The following ANKRD55 variants were observed in gnomAD, a reference collection of about 807,000 sequenced individuals.
ANKRD55 encodes the protein ankyrin repeat domain 55, also known as ankyrin repeat domain-containing protein 55.
A neutral mutation model predicts 60.6 loss-of-function variants in ANKRD55; 41 were observed. That is an observed-to-expected ratio of 0.68 (90% CI 0.53 to 0.88). ANKRD55 has a LOEUF of 0.88. ANKRD55 is among the 40% of genes least tolerant of loss of function. The pLI, the probability that ANKRD55 is intolerant of heterozygous loss-of-function variation, is 0.00. For synonymous variants in ANKRD55, 264 were observed against 290.3 expected, an observed-to-expected ratio of 0.91 and a Z score of 0.92; for missense variants, 732 against 767.6, an observed-to-expected ratio of 0.95 and a Z score of 0.55.
At chr5:56,221,298 A>G (rs575175001) in intron 2 of ANKRD55, among the ~76,000 whole-genome samples, 2 of 152,342 alleles carry the variant, frequency 1.3e-5, no homozygotes, top group South Asian at 2.1e-4. Context: ...TCAGCAAAGC[A>G]CAGATCTTTT....
In ANKRD55 at chr5:56,167,124, C is replaced by A. The variant is rs1372071830; in HGVS notation, c.422+3570G>T. Reference sequence around the variant, plus strand: ...TTCCAATATTCTGTAGGTAACCAAACTACAGTCATGCATCATTTAATGATG... The same window carrying A: ...TTCCAATATTCTGTAGGTAACCAAAATACAGTCATGCATCATTTAATGATG... On this transcript the variant is annotated intron_variant, in intron 5 of 11. Transcript: ENST00000341048. 2.0e-5 allele frequency among the ~76,000 whole-genome samples: 3 copies of A among 152,290 alleles called. No homozygotes were observed. In the East Asian group the frequency reaches 5.8e-4, roughly 29 times the overall value.
intron 2 of ANKRD55, among the ~76,000 whole-genome samples, chr5:56,209,174 T>A (rs1339370322): frequency 6.6e-6 from 1 of 151,946 alleles, no homozygotes; most frequent in African/African-American, 2.4e-5. Flanking sequence ...GCAGGCTGGT[T>A]TCAAACTCTT....
chr5:56,121,128 A>G (rs1757036809), intron 8 of ANKRD55, among the ~76,000 whole-genome samples: 1 of 152,114 alleles, frequency 6.6e-6, no homozygotes, highest in African/African-American at 2.4e-5. Context: ...GGATAAGGAC[A>G]GAAGACGAGG....
chr5:56,193,716 A>C (rs1759164203), intron 2 of ANKRD55: 1 of 186,084 alleles, frequency 5.4e-6, no homozygotes, highest in Admixed American at 5.9e-5. Flanking sequence ...GACATAGAGC[A>C]CTGGAATCCC....
At chr5:56,126,750 A>T (rs1202765978) in intron 8 of ANKRD55, among the ~76,000 whole-genome samples, 172 bp downstream of exon 8, 2 of 152,096 alleles carry the variant, frequency 1.3e-5, no homozygotes, top group Admixed American at 6.6e-5. Flanking sequence ...CATAACAATA[A>T]TTTTTTCTCC....
rs1561263975 is a variant in ANKRD55 at position 56,135,292 on chromosome 5, TTG to T, written c.613-8188_613-8187del. On this transcript the variant is annotated intron_variant, in intron 7 of 11. Coordinates refer to ENST00000341048, the MANE Select transcript of ANKRD55 (RefSeq NM_024669.3). ...CCTCCCTCCCTCCCTGCCTGCCTGCTTGCTTTCTTTCTTTCTTTCTTTCTTTC... is the reference window on the plus strand; with the variant it reads ...CCTCCCTCCCTCCCTGCCTGCCTGCTCTTTCTTTCTTTCTTTCTTTCTTTC... 2.8e-3 allele frequency among the ~76,000 whole-genome samples: 234 copies of T among 82,524 alleles called. 13 individuals carry two copies. Among genetic ancestry groups the T allele is most frequent in the Middle Eastern group, 5.9e-3 (1 of 170 alleles). The allele number at this position is 82,524 out of a possible 152,430, so 54.1% of individuals were successfully genotyped here.
chr5:56,213,243 A>G (rs1381971045), intron 2 of ANKRD55, among the ~76,000 whole-genome samples: 1 of 152,222 alleles, frequency 6.6e-6, no homozygotes, highest in African/African-American at 2.4e-5. Flanking sequence ...TTTTATTTGT[A>G]AAAATAAATA....
At chr5:56,223,247 C>G (rs1172175031) in intron 2 of ANKRD55, among the ~76,000 whole-genome samples, 1 of 152,078 alleles carries the variant, frequency 6.6e-6, no homozygotes, top group African/African-American at 2.4e-5. Flanking sequence ...CATATCCAGC[C>G]AAACTAAGCT....
chr5:56,215,523 G>C (rs190273426), intron 2 of ANKRD55, among the ~76,000 whole-genome samples: 46 of 152,316 alleles, frequency 3.0e-4, no homozygotes, highest in African/African-American at 1.1e-3. Flanking sequence ...AGAGGGAGTC[G>C]GGCACTCTGC....
At position 56,122,985 on chromosome 5, in the gene ANKRD55, C is replaced by T. The variant is rs149360756; in HGVS notation, c.797+3937G>A. ...TTCGCCATGTTGCCAAGGCTGCTCTCGAACTCCTGGGCTCAAGGGATTCAT... is the reference window on the plus strand; with the variant it reads ...TTCGCCATGTTGCCAAGGCTGCTCTTGAACTCCTGGGCTCAAGGGATTCAT... On this transcript the variant is annotated intron_variant, in intron 8 of 11. Coordinates refer to ENST00000341048, the MANE Select transcript of ANKRD55 (RefSeq NM_024669.3). 9.1e-4 allele frequency among the ~76,000 whole-genome samples: 138 copies of T among 152,042 alleles called. 1 individual carries two copies. The highest frequency in any genetic ancestry group is 3.1e-3 in the African/African-American group (128 of 41,412).
intron 2 of ANKRD55, among the ~76,000 whole-genome samples, chr5:56,204,911 A>G (rs1759463670): frequency 6.6e-6 from 1 of 152,246 alleles, no homozygotes; most frequent in Admixed American, 6.5e-5. Flanking sequence ...TGTTGGAGTC[A>G]GGCATTTGCC....
intron 2 of ANKRD55, among the ~76,000 whole-genome samples, chr5:56,186,678 G>C (rs1758982964): frequency 6.6e-6 from 1 of 152,176 alleles, no homozygotes. Flanking sequence ...GGGACATGTA[G>C]AGAAAATAGT....
chr5:56,123,135 G>T (rs748747988), intron 8 of ANKRD55, among the ~76,000 whole-genome samples: 7 of 151,836 alleles, frequency 4.6e-5, no homozygotes, highest in Non-Finnish European at 1.0e-4. Flanking sequence ...GGGCAGTCCT[G>T]GGGCAGGAAA....
intron 7 of ANKRD55, among the ~76,000 whole-genome samples, chr5:56,131,908 A>C (rs1182941334): frequency 1.3e-5 from 2 of 151,762 alleles, no homozygotes. Context: ...AGAAGGAATA[A>C]GTGAAGGTAA....
chr5:56,153,278 A>G lies in ANKRD55; in HGVS notation c.483+6555T>C, dbSNP rs532263683. On this transcript the variant is annotated intron_variant, in intron 6 of 11. Coordinates refer to ENST00000341048, the MANE Select transcript of ANKRD55 (RefSeq NM_024669.3). Reference sequence around the variant, plus strand: ...TTCCACTAAAAACAACAACAACAACAACAACAACAACGACACGCAGCTATT... The same window carrying G: ...TTCCACTAAAAACAACAACAACAACGACAACAACAACGACACGCAGCTATT... Among the ~76,000 whole-genome samples the G allele has an allele frequency of 7.2e-5, 11 of 152,252 alleles. No individual in the cohort carries two copies. The South Asian group carries it at 2.3e-3, about 32-fold the overall frequency.
At chr5:56,132,299 C>T (rs1445310212) in intron 7 of ANKRD55, among the ~76,000 whole-genome samples, 1 of 150,968 alleles carries the variant, frequency 6.6e-6, no homozygotes, top group African/African-American at 2.4e-5. Flanking sequence ...ATTAAAACCA[C>T]AAAAGGTGGA....
At chr5:56,181,119 C>G (rs1001129066) in intron 3 of ANKRD55, among the ~76,000 whole-genome samples, 1 of 152,182 alleles carries the variant, frequency 6.6e-6, no homozygotes, top group African/African-American at 2.4e-5. Flanking sequence ...ATTGCTTGAA[C>G]CCGGGAGGTG....
chr5:56,132,769 G>A (rs1757459088), intron 7 of ANKRD55, among the ~76,000 whole-genome samples: 1 of 152,068 alleles, frequency 6.6e-6, no homozygotes, highest in Non-Finnish European at 1.5e-5. Flanking sequence ...TTGTCTATAA[G>A]AAACCCACTT....
intron 2 of ANKRD55, among the ~76,000 whole-genome samples, chr5:56,208,413 ATATTT>A (rs367692515): frequency 5.7e-4 from 87 of 151,474 alleles, no homozygotes; most frequent in Middle Eastern, 3.4e-3. Flanking sequence ...TTTAAAAAAA[ATATTT>A]ATTTATTTAT....
Sources: allele counts gnomAD v4.1 joint callset (sites outside exome capture counted in the v4.1 genomes callset), GRCh38; gene constraint gnomAD v4.1.1; transcripts MANE v1.5; gene names NCBI Gene and HGNC (gene_info 2026-07-23, HGNC 2026-07-21).